Variants in NEK9 observed in about 807,000 individuals in gnomAD.
NEK9 encodes the protein serine/threonine-protein kinase Nek9.
NEK9 carries 75 observed loss-of-function variants against 123.4 expected under a neutral mutation model. The observed-to-expected ratio is 0.61, with a 90% CI of 0.50 to 0.74. NEK9 has a LOEUF of 0.74. NEK9 is among the 30% of genes least tolerant of loss of function. The probability of loss-of-function intolerance (pLI) is 0.00; values close to 1 mark genes in which losing one functional copy is unlikely to be tolerated. For missense variants in NEK9, 952 were observed against 1,214.4 expected, an observed-to-expected ratio of 0.78 and a Z score of 3.21; for synonymous variants, 438 against 458.7, an observed-to-expected ratio of 0.95 and a Z score of 0.58.
Position 75,103,838 on chromosome 14 carries a change from T to G in NEK9, c.1731+4A>C, listed in dbSNP as rs895956011. ...GTGGTTAGAACACCAATCAGGACAC[T>G]CACTTCATGGTTGATAATTCCCGAC... is the stretch of plus-strand genomic sequence containing the variant. On this transcript the variant is annotated splice_donor_region_variant and intron_variant, in intron 14 of 21. Transcript: ENST00000238616. 6.2e-7 allele frequency: 1 copy of G among 1,605,116 alleles called. No homozygotes were observed. Among genetic ancestry groups the G allele is most frequent in the Non-Finnish European group, 8.5e-7 (1 of 1,176,456 alleles).
Position 75,113,367 on chromosome 14 carries a change from C to A in NEK9, c.910G>T (p.Asp304Tyr). 1.2e-6 allele frequency: 2 copies of A among 1,613,728 alleles called. No individual in the cohort carries two copies. The highest frequency in any genetic ancestry group is 1.3e-5 in the African/African-American group (1 of 75,034). ...EQRPTADELL[D>Y]RPLLRKRRRE... ...CTGCGTTTCCTGAGAAGAGGGCGAT[C>A]TAGAAGTTCATCTGCAGTAGGTCTC... is the stretch of plus-strand genomic sequence containing the variant. The change falls in exon 8 of 22, where the codon GAT (aspartate) becomes TAT (tyrosine). Residue 304 changes from aspartate (D) to tyrosine (Y), a missense_variant. Asp to Tyr is a radical substitution (Grantham distance 160, BLOSUM62 -3). Coordinates refer to ENST00000238616, the MANE Select transcript of NEK9 (RefSeq NM_033116.6).
At position 75,106,704 on chromosome 14, in the gene NEK9, T is replaced by C. The variant is rs1460750480; in HGVS notation, c.1328-2A>G. Reference sequence around the variant, plus strand: ...CGAAGGCATAGAGCTGACCCTCATCTGCAAAAGAAAGGAAAACAGAATCCA... The same window carrying C: ...CGAAGGCATAGAGCTGACCCTCATCCGCAAAAGAAAGGAAAACAGAATCCA... On this transcript the variant is annotated splice_acceptor_variant, in intron 11 of 21. Coordinates refer to ENST00000238616, the MANE Select transcript of NEK9 (RefSeq NM_033116.6). LOFTEE classifies it high-confidence loss of function. The C allele has an allele frequency of 1.2e-6, 2 of 1,605,702 alleles. No individual in the cohort carries two copies. The highest frequency in any genetic ancestry group is 3.4e-5 in the Admixed American group (2 of 59,218).
chr14:75,092,415 C>T (rs572169182), intron 18 of NEK9, among the ~76,000 whole-genome samples: 7 of 152,110 alleles, frequency 4.6e-5, no homozygotes, highest in Non-Finnish European at 8.8e-5. Context: ...TACAGGTGCC[C>T]GCCACCATGC....
At chr14:75,101,192 A>G (rs1481177883) in intron 15 of NEK9, 39 bp from the exon 16 acceptor site, 4 of 1,588,398 alleles carry the variant, frequency 2.5e-6, no homozygotes, top group Non-Finnish European at 3.4e-6. Context: ...GGCACAAATG[A>G]GTCCTGGAAC....
chr14:75,109,810 C>T lies in NEK9; in HGVS notation c.1057G>A (p.Gly353Ser). 6.2e-7 allele frequency: 1 copy of T among 1,614,018 alleles called. No homozygotes were observed. Among genetic ancestry groups the T allele is most frequent in the Non-Finnish European group, 8.5e-7 (1 of 1,179,996 alleles). Residue 353 changes from glycine (G) to serine (S), a missense_variant, in exon 10 of 22, where the codon GGT becomes AGT. Around this residue, in one of 4 missense-constraint regions of NEK9, gnomAD observed 698 missense variants for 875.6 expected, o/e 0.80. Transcript: ENST00000238616. ...TTCTGGGGGGTGGATTTTCCACCAC[C>T]CCAAACATAGACTTCACTGGTTCGT... ...TSRTSEVYVW[G>S]GGKSTPQKLD... is the part of the protein sequence containing the mutation.
chr14:75,107,641 T>C (rs1473343142), intron 10 of NEK9, among the ~76,000 whole-genome samples, 154 bp from the exon 11 acceptor site: 1 of 152,090 alleles, frequency 6.6e-6, no homozygotes, highest in East Asian at 1.9e-4. Flanking sequence ...AGTGCTGGGA[T>C]TGTAGACATG....
At chr14:75,088,069 T>A (rs1247503366) in intron 20 of NEK9, among the ~76,000 whole-genome samples, 1 of 152,238 alleles carries the variant, frequency 6.6e-6, no homozygotes, top group African/African-American at 2.4e-5. Context: ...GACCTTGGAT[T>A]ATAGTTTTAC....
chr14:75,101,911 C>T (rs1894596689), intron 14 of NEK9, 146 bp from the exon 15 acceptor site: 1 of 572,664 alleles, frequency 1.7e-6, no homozygotes, highest in African/African-American at 1.8e-5. Flanking sequence ...AGTTTTCCAT[C>T]TCCAACAGAA....
intron 19 of NEK9, 60 bp downstream of exon 19, chr14:75,091,210 T>C (rs1331439398): frequency 2.1e-6 from 3 of 1,422,796 alleles, no homozygotes; most frequent in African/African-American, 2.9e-5. Context: ...CTGACAGCTC[T>C]TTCTAGTTCC....
chr14:75,102,090 A>G (rs554432415), intron 14 of NEK9, among the ~76,000 whole-genome samples: 20 of 152,244 alleles, frequency 1.3e-4, no homozygotes, highest in Non-Finnish European at 2.6e-4. Flanking sequence ...TTGGTTATAC[A>G]CTCTGCATAT....
At position 75,084,328 on chromosome 14, in the gene NEK9, G is replaced by A. The variant is rs778289513; in HGVS notation, c.*236C>T. On this transcript the variant is annotated 3_prime_UTR_variant, in exon 22 of 22. Transcript: ENST00000238616. ...TGCTGTTGCTATGGCAGTCACTGAT[G>A]ACAAAGCCAGGGCCATGGGGGCCCT... 15 of 514,648 alleles carry A rather than the reference G, an allele frequency of 2.9e-5. No homozygotes were observed. The highest frequency in any genetic ancestry group is 5.6e-4 in the Middle Eastern group (1 of 1,778). The allele number at this position is 514,648 out of a possible 1,614,324, so 31.9% of individuals were successfully genotyped here.
chr14:75,080,412 C>T lies in NEK9; in HGVS notation c.*4152G>A, dbSNP rs1212149145. 1 of 151,724 alleles carries T rather than the reference C, an allele frequency of 6.6e-6. No individual in the cohort carries two copies. The highest frequency in any genetic ancestry group is 6.6e-5 in the Admixed American group (1 of 15,234). 9.4% of individuals were successfully genotyped at this position (151,724 alleles called of 1,614,324 possible). ...TCTGGTCTCTGGGAAGAGATAAGAA[C>T]CTTTTTTTAAAAAAATCTGAATTTC... On this transcript the variant is annotated 3_prime_UTR_variant, in exon 22 of 22. Transcript: ENST00000238616.
Position 75,101,710 on chromosome 14 carries a change from A to G in NEK9, c.1787T>C (p.Phe596Ser), listed in dbSNP as rs1303949256. The G allele has an allele frequency of 6.2e-7, 1 of 1,614,164 alleles. No homozygotes were observed. The highest frequency in any genetic ancestry group is 1.3e-5 in the African/African-American group (1 of 75,060). The change falls in exon 15 of 22, where the codon TTT becomes TCT. Residue 596 changes from phenylalanine to serine, a missense_variant. Phe to Ser is a radical substitution (Grantham distance 155). Around this residue, in one of 4 missense-constraint regions of NEK9, gnomAD observed 698 missense variants for 875.6 expected, o/e 0.80. Coordinates refer to ENST00000238616, the MANE Select transcript of NEK9 (RefSeq NM_033116.6). ...TSFTLAKQLS[F>S]YKIRTIAPGK... ...TGGGGCAATGGTACGGATCTTATAA[A>G]AGGACAACTGTTTGGCCAAGGTAAA...
chr14:75,101,069 A>G lies in NEK9; in HGVS notation c.1925T>C (p.Leu642Pro). 6.2e-7 allele frequency: 1 copy of G among 1,614,254 alleles called. No homozygotes were observed. The highest frequency in any genetic ancestry group is 8.5e-7 in the Non-Finnish European group (1 of 1,180,038). The change falls in exon 16 of 22, where the codon CTG (leucine) becomes CCG (proline). Residue 642 changes from leucine (L) to proline (P), a missense_variant. By Grantham distance (98) the Leu-to-Pro change is moderately conservative. Coordinates refer to ENST00000238616, the MANE Select transcript of NEK9 (RefSeq NM_033116.6). ...CTTCCCACCAAGGGGTCCCCCCAAC[A>G]GGTTGATTCCCAGACGCTTCTTGTA... Reference protein sequence around the residue: ...GNYKKRLGINLLGGPLGGKQV... With the variant: ...GNYKKRLGINPLGGPLGGKQV...
chr14:75,091,442 C>T lies in NEK9; in HGVS notation c.2270G>A (p.Gly757Asp). 6.2e-6 allele frequency: 10 copies of T among 1,606,288 alleles called. No homozygotes were observed. The South Asian group carries it at 1.1e-4, about 18-fold the overall frequency. Residue 757 changes from glycine (G) to aspartate (D), a missense_variant, in exon 19 of 22, where the codon GGC (glycine) becomes GAC (aspartate). Coordinates refer to ENST00000238616, the MANE Select transcript of NEK9 (RefSeq NM_033116.6). ...ACTGTCCTCTTCTTCACCACCGCCG[C>T]CCCCGCCGCCTCCTCCCGGGCTAGA... is the stretch of plus-strand genomic sequence containing the variant. ...QSSSPGGGGG[G>D]GGGEEEDSQQ...
At chr14:75,087,997 A>G (rs545359431) in intron 20 of NEK9, among the ~76,000 whole-genome samples, 2 of 152,346 alleles carry the variant, frequency 1.3e-5, no homozygotes, top group African/African-American at 4.8e-5. Flanking sequence ...AATAATTACT[A>G]TGTGGCCTTT....
At position 75,106,711 on chromosome 14, in the gene NEK9, G is replaced by GA. The variant is rs768414730; in HGVS notation, c.1328-10dup. 6.2e-7 allele frequency: 1 copy of GA among 1,603,402 alleles called. No homozygotes were observed. The highest frequency in any genetic ancestry group is 2.2e-5 in the East Asian group (1 of 44,722). On this transcript the variant is annotated splice_polypyrimidine_tract_variant and intron_variant, in intron 11 of 21. Coordinates refer to ENST00000238616, the MANE Select transcript of NEK9 (RefSeq NM_033116.6). ...ATAGAGCTGACCCTCATCTGCAAAA[G>GA]AAAGGAAAACAGAATCCATCAAAGG...
At chr14:75,084,856 T>G in intron 21 of NEK9, 170 bp from the exon 22 acceptor site, 1 of 719,174 alleles carries the variant, frequency 1.4e-6, no homozygotes. Context: ...ATACAGTCCA[T>G]ACCTTTATAT....
intron 8 of NEK9, among the ~76,000 whole-genome samples, chr14:75,112,888 T>C (rs1021236917): frequency 6.6e-6 from 1 of 152,202 alleles, no homozygotes; most frequent in African/African-American, 2.4e-5. Context: ...ATAGGCACCC[T>C]ATGCCAGGCC....
Sources: allele counts gnomAD v4.1 joint callset (sites outside exome capture counted in the v4.1 genomes callset), GRCh38; gene constraint gnomAD v4.1.1; regional missense constraint gnomAD v4.1.1; transcripts MANE v1.5; gene names NCBI Gene and HGNC (gene_info 2026-07-23, HGNC 2026-07-21).